The following PTPN3 variants were observed in gnomAD, a reference collection of about 807,000 sequenced individuals.
The protein encoded by PTPN3 is tyrosine-protein phosphatase non-receptor type 3.
A neutral mutation model predicts 132.7 loss-of-function variants in PTPN3; 96 were observed. The observed-to-expected ratio is 0.72, with a 90% CI of 0.61 to 0.86. The LOEUF (loss-of-function observed/expected upper bound fraction) is 0.86. Among genes scored for constraint, PTPN3 ranks in the 40% least tolerant of loss-of-function variants. The probability of loss-of-function intolerance (pLI) is 0.00; values close to 1 mark genes in which losing one functional copy is unlikely to be tolerated. For synonymous variants in PTPN3, 398 were observed against 429.0 expected (o/e 0.93, Z 0.89); for missense variants, 1,125 against 1,159.6 (o/e 0.97, Z 0.43).
At position 109,376,727 on chromosome 9, in the gene PTPN3, A is replaced by G. The variant is rs1838584399; in HGVS notation, c.*2829T>C. On this transcript the variant is annotated 3_prime_UTR_variant, in exon 26 of 26. Transcript: ENST00000374541. ...ATGTAGTTCTTCACTTAGGACTAAA[A>G]AAAGGCTTAAGTATAATTGCTTAAG... The G allele has an allele frequency of 1.3e-5, 2 of 152,270 alleles. No homozygotes were observed. 9.4% of individuals were successfully genotyped at this position (152,270 alleles called of 1,614,324 possible).
At chr9:109,537,511 TTCTC>T in the PTPN3 span, among the ~76,000 whole-genome samples, 1 of 139,432 alleles carries the variant, frequency 7.2e-6, no homozygotes. Context: ...TTCCTTTTCT[TTCTC>T]TCTGTCTGCC....
chr9:109,485,776 G>C (rs907595544), intron 1 of PTPN3, among the ~76,000 whole-genome samples: 28 of 152,280 alleles, frequency 1.8e-4, no homozygotes, highest in Non-Finnish European at 3.5e-4. Context: ...CAGCTCACGA[G>C]AGGGAACCCC....
At chr9:109,536,828 C>A in the PTPN3 span, among the ~76,000 whole-genome samples, 2 of 152,112 alleles carry the variant, frequency 1.3e-5, no homozygotes, top group African/African-American at 4.8e-5. Flanking sequence ...TATTGTAAGT[C>A]TCTGGGAAGT....
intron 5 of PTPN3, among the ~76,000 whole-genome samples, chr9:109,454,084 G>C (rs943936120): frequency 6.6e-6 from 1 of 152,118 alleles, no homozygotes; most frequent in African/African-American, 2.4e-5. Context: ...CTTGATTTTA[G>C]CTCTTCAGAG....
rs1191259093 is a variant in PTPN3, at chr9:109,422,754, C to T, written c.1100G>A (p.Ser367Asn). 4 of 1,611,266 alleles carry T rather than the reference C, an allele frequency of 2.5e-6. No homozygotes were observed. The highest frequency in any genetic ancestry group is 2.7e-5 in the African/African-American group (2 of 74,678). Residue 367 changes from serine to asparagine, a missense_variant, in exon 13 of 26, where the codon AGT becomes AAT. Ser to Asn is a conservative substitution (Grantham distance 46). Coordinates refer to ENST00000374541, the MANE Select transcript of PTPN3 (RefSeq NM_002829.4). ...SLSVEHLETKSLPSRSPPITP... is the reference protein window; with the variant it reads ...SLSVEHLETKNLPSRSPPITP... ...AATGGGAGGGGAACGAGAAGGCAGACTCTTGGTTTCTAAGTGCTCCACTGA... is the reference window on the plus strand; with the variant it reads ...AATGGGAGGGGAACGAGAAGGCAGATTCTTGGTTTCTAAGTGCTCCACTGA...
intron 1 of PTPN3, among the ~76,000 whole-genome samples, chr9:109,497,967 G>A (rs1233885649): frequency 6.9e-6 from 1 of 145,474 alleles, no homozygotes; most frequent in African/African-American, 2.5e-5. Context: ...CCGCCAGCCC[G>A]CCCCGGCCGA....
intron 13 of PTPN3, 38 bp from the exon 14 acceptor site, chr9:109,420,638 C>G: frequency 6.4e-7 from 1 of 1,565,978 alleles, no homozygotes; most frequent in Non-Finnish European, 8.7e-7. Context: ...GTGTTCAAAG[C>G]AAATTCCACT....
intron 1 of PTPN3, among the ~76,000 whole-genome samples, chr9:109,468,206 G>A (rs1344660096): frequency 6.6e-6 from 1 of 152,166 alleles, no homozygotes. Flanking sequence ...CCAGGAACAT[G>A]CTGGCCTCTC....
At chr9:109,534,457 G>T in the PTPN3 span, 1 of 1,185,286 alleles carries the variant, frequency 8.4e-7, no homozygotes, top group Non-Finnish European at 1.1e-6. Flanking sequence ...CTCCGCTCCC[G>T]CTACCGATCG....
chr9:109,449,872 GA>G, intron 5 of PTPN3: 1 of 985,356 alleles, frequency 1.0e-6, no homozygotes, highest in African/African-American at 1.7e-5. Flanking sequence ...TTTGAGATGG[GA>G]ATGCTTCAAA....
intron 19 of PTPN3, among the ~76,000 whole-genome samples, chr9:109,403,894 TGA>T (rs1841345769): frequency 6.6e-6 from 1 of 152,152 alleles, no homozygotes; most frequent in African/African-American, 2.4e-5. Flanking sequence ...GATGGGGGTT[TGA>T]GTTTGGTTTC....
At chr9:109,461,081 C>T (rs1168626823) in intron 2 of PTPN3, among the ~76,000 whole-genome samples, 1 of 152,190 alleles carries the variant, frequency 6.6e-6, no homozygotes, top group East Asian at 1.9e-4. Flanking sequence ...ACATCTGTGA[C>T]CTTCATGGAG....
rs946909301 is a variant in PTPN3, at chr9:109,391,170, T to C, written c.2074A>G (p.Asn692Asp). The part of the protein sequence containing the change: ...YDTTRVLLQG[N>D]EDYINASYVN... The stretch of plus-strand genomic sequence containing the variant: ...TAACTTGCATTAATATAATCTTCAT[T>C]TCCCTGCAATAATACCCGGGTGGTG... The change falls in exon 21 of 26, where the codon AAT (asparagine) becomes GAT (aspartate). Residue 692 changes from asparagine to aspartate, a missense_variant. Physicochemically the swap from Asn to Asp is conservative, Grantham distance 23. Transcript: ENST00000374541. The C allele has an allele frequency of 2.5e-6, 4 of 1,613,554 alleles. No individual in the cohort carries two copies. The highest frequency in any genetic ancestry group is 3.4e-6 in the Non-Finnish European group (4 of 1,179,706).
chr9:109,407,071 G>A (rs1027216691), intron 17 of PTPN3, among the ~76,000 whole-genome samples: 1 of 152,204 alleles, frequency 6.6e-6, no homozygotes, highest in East Asian at 1.9e-4. Context: ...GAATTGAACA[G>A]CACAGGAAAG....
At chr9:109,386,000 C>T (rs539837385) in intron 22 of PTPN3, among the ~76,000 whole-genome samples, 11 of 152,308 alleles carry the variant, frequency 7.2e-5, no homozygotes, top group East Asian at 1.9e-4. Flanking sequence ...ACAAGCCATA[C>T]GCCTGCTGTG....
chr9:109,427,875 C>A (rs1016329077), intron 11 of PTPN3, among the ~76,000 whole-genome samples: 2 of 152,190 alleles, frequency 1.3e-5, no homozygotes, highest in Non-Finnish European at 2.9e-5. Context: ...GGGTGTAGTG[C>A]TGTGGAAAGA....
chr9:109,384,235 C>T (rs1302320069), intron 22 of PTPN3, among the ~76,000 whole-genome samples: 1 of 152,116 alleles, frequency 6.6e-6, no homozygotes, highest in Non-Finnish European at 1.5e-5. Context: ...TACATACCAG[C>T]TTGAGTAACA....
chr9:109,430,815 G>A (rs1843611584), intron 10 of PTPN3, among the ~76,000 whole-genome samples: 1 of 152,188 alleles, frequency 6.6e-6, no homozygotes, highest in African/African-American at 2.4e-5. Flanking sequence ...CTCTCCTGCT[G>A]CTCCTCATGC....
At chr9:109,406,067 G>A (rs950670587) in intron 18 of PTPN3, among the ~76,000 whole-genome samples, 2 of 152,142 alleles carry the variant, frequency 1.3e-5, no homozygotes, top group Non-Finnish European at 2.9e-5. Context: ...CTGCCTCCCC[G>A]ACAAAATCAA....
Sources: allele counts gnomAD v4.1 joint callset (sites outside exome capture counted in the v4.1 genomes callset), GRCh38; gene constraint gnomAD v4.1.1; transcripts MANE v1.5; gene names NCBI Gene and HGNC (gene_info 2026-07-23, HGNC 2026-07-21).